CPED1: variants seen among roughly 807,000 people sequenced by gnomAD.
CPED1 encodes cadherin like and PC-esterase domain containing 1.
A neutral mutation model predicts 128.2 loss-of-function variants in CPED1; 114 were observed. The observed-to-expected ratio is 0.89, with a 90% CI of 0.76 to 1.04. The LOEUF (loss-of-function observed/expected upper bound fraction) is 1.04, where lower values mean the gene tolerates loss of function less well. Ranked by LOEUF, CPED1 falls within the 50% of genes least tolerant of loss-of-function variation. CPED1 has a pLI of 0.00. For missense variants in CPED1, 1,211 were observed against 1,207.1 expected, an observed-to-expected ratio of 1.00 and a Z score of -0.05; for synonymous variants, 462 against 426.7, an observed-to-expected ratio of 1.08 and a Z score of -1.02.
At chr7:121,238,911 G>T (rs1362763854) in intron 17 of CPED1, among the ~76,000 whole-genome samples, 1 of 151,902 alleles carries the variant, frequency 6.6e-6, no homozygotes, top group East Asian at 1.9e-4. Flanking sequence ...AATGATTGCT[G>T]AACTAAAACC....
chr7:121,041,235 A>G (rs1793044860), intron 3 of CPED1, among the ~76,000 whole-genome samples: 1 of 152,130 alleles, frequency 6.6e-6, no homozygotes, highest in Non-Finnish European at 1.5e-5. Context: ...TCACTCATTT[A>G]TACATTTTAT....
At chr7:121,154,849 A>G (rs1288261004) in intron 16 of CPED1, among the ~76,000 whole-genome samples, 1 of 152,124 alleles carries the variant, frequency 6.6e-6, no homozygotes. Context: ...CGGCCTAGAG[A>G]TGTTGAATTT....
intron 2 of CPED1, among the ~76,000 whole-genome samples, chr7:121,001,973 C>T (rs1460730514): frequency 6.7e-6 from 1 of 149,820 alleles, no homozygotes; most frequent in Non-Finnish European, 1.5e-5. Flanking sequence ...TTTGGTGCCT[C>T]TTGGGAAAAG....
At chr7:121,292,708 G>T (rs974140824) in intron 22 of CPED1, among the ~76,000 whole-genome samples, 2 of 152,022 alleles carry the variant, frequency 1.3e-5, no homozygotes, top group Non-Finnish European at 2.9e-5. Flanking sequence ...TTTTAGGTGG[G>T]TGTCCTTTTT....
intron 13 of CPED1, among the ~76,000 whole-genome samples, chr7:121,134,978 A>G (rs1274050514): frequency 3.3e-5 from 5 of 152,038 alleles, no homozygotes; most frequent in African/African-American, 1.2e-4. Context: ...TTGCAATAAG[A>G]GTGGACTGGA....
At chr7:121,283,267 G>C (rs1792497529) in intron 22 of CPED1, among the ~76,000 whole-genome samples, 1 of 152,258 alleles carries the variant, frequency 6.6e-6, no homozygotes, top group Non-Finnish European at 1.5e-5. Context: ...GGGAATAGTA[G>C]TTTAAACCTC....
rs558561711 is a variant in CPED1, at chr7:121,210,247, TG to T, written c.2056-26465del. 2.6e-3 allele frequency among the ~76,000 whole-genome samples: 391 copies of T among 152,110 alleles called. 2 individuals carry two copies. The highest frequency in any genetic ancestry group is 0.024 in the South Asian group (115 of 4,820). Reference sequence around the variant, plus strand: ...AGTACAATCACTATAGAGAACAGTATGGAGGTTCTTCAAAAAACTAAAAGTA... The same window carrying T: ...AGTACAATCACTATAGAGAACAGTATGAGGTTCTTCAAAAAACTAAAAGTA... On this transcript the variant is annotated intron_variant, in intron 16 of 22. Coordinates refer to ENST00000310396, the MANE Select transcript of CPED1 (RefSeq NM_024913.5).
At chr7:121,108,853 A>T (rs1426300830) in intron 7 of CPED1, among the ~76,000 whole-genome samples, 1 of 152,024 alleles carries the variant, frequency 6.6e-6, no homozygotes, top group Non-Finnish European at 1.5e-5. Flanking sequence ...CAAAAACACC[A>T]CCCTGTCCCA....
intron 4 of CPED1, among the ~76,000 whole-genome samples, chr7:121,056,266 A>G (rs1793496709): frequency 6.6e-6 from 1 of 152,190 alleles, no homozygotes; most frequent in Non-Finnish European, 1.5e-5. Context: ...TTAACTAAAT[A>G]TTCTATCATA....
chr7:121,141,571 T>G (rs1365634451), intron 15 of CPED1, among the ~76,000 whole-genome samples: 1 of 152,046 alleles, frequency 6.6e-6, no homozygotes, highest in Non-Finnish European at 1.5e-5. Context: ...AAAGAAAAGA[T>G]TCAAGTCAGG....
chr7:121,161,392 G>T (rs1295966192), intron 16 of CPED1, among the ~76,000 whole-genome samples: 1 of 152,068 alleles, frequency 6.6e-6, no homozygotes, highest in Admixed American at 6.6e-5. Flanking sequence ...TTGCCACCTG[G>T]TCCTTTTCAT....
chr7:121,187,744 C>A (rs1362303166), intron 16 of CPED1, among the ~76,000 whole-genome samples: 1 of 152,052 alleles, frequency 6.6e-6, no homozygotes, highest in Non-Finnish European at 1.5e-5. Flanking sequence ...TTTTGCAACC[C>A]AGAATTATAA....
At chr7:121,169,313 G>GA (rs1489177688) in intron 16 of CPED1, among the ~76,000 whole-genome samples, 8 of 152,066 alleles carry the variant, frequency 5.3e-5, no homozygotes, top group African/African-American at 1.9e-4. Context: ...AGGTAATTGG[G>GA]AAAATTAGGA....
At chr7:121,036,470 G>A (rs937554969) in intron 3 of CPED1, among the ~76,000 whole-genome samples, 2 of 148,654 alleles carry the variant, frequency 1.3e-5, no homozygotes, top group East Asian at 2.0e-4. Context: ...TTATGGTTGG[G>A]TAGTATTCCA....
intron 16 of CPED1, among the ~76,000 whole-genome samples, chr7:121,213,126 TG>T (rs1254230448): frequency 2.6e-5 from 4 of 151,882 alleles, no homozygotes; most frequent in African/African-American, 4.8e-5. Flanking sequence ...AAGATTTAAT[TG>T]GTCCATAAAT....
rs977304782 is a variant in CPED1 at position 121,247,481 on chromosome 7, G to T, written c.2310+3143G>T. ...AAACCAACATTTGGACAGATCTTTG[G>T]AGAGAAAACGCCAAAAGCAGATGGC... On this transcript the variant is annotated intron_variant, in intron 18 of 22. Transcript: ENST00000310396. Among the ~76,000 whole-genome samples, 7 of 152,198 alleles carry T rather than the reference G, an allele frequency of 4.6e-5. No individual in the cohort carries two copies. In the East Asian group the frequency reaches 1.3e-3, roughly 29 times the overall value.
intron 10 of CPED1, 91 bp from the exon 11 acceptor site, chr7:121,128,291 A>C (rs1795557041): frequency 1.4e-6 from 1 of 717,872 alleles, no homozygotes; most frequent in Non-Finnish European, 2.5e-6. Context: ...AGAACTCAAA[A>C]TCTGATTGGT....
At chr7:121,218,234 A>G (rs1244554866) in intron 16 of CPED1, among the ~76,000 whole-genome samples, 2 of 150,180 alleles carry the variant, frequency 1.3e-5, no homozygotes, top group Non-Finnish European at 3.0e-5. Flanking sequence ...ACCTCAGGTG[A>G]TTTGTCCGTC....
chr7:121,100,066 C>G lies in CPED1; in HGVS notation c.890C>G (p.Pro297Arg). The G allele has an allele frequency of 6.2e-7, 1 of 1,612,552 alleles. No individual in the cohort carries two copies. The highest frequency in any genetic ancestry group is 2.2e-5 in the East Asian group (1 of 44,846). Residue 297 changes from proline (P) to arginine (R), a missense_variant, in exon 7 of 23, where the codon CCA becomes CGA. Physicochemically the swap from Pro to Arg is moderately radical, Grantham distance 103. Transcript: ENST00000310396. ...FIHSTGTVWN[P>R]PKKKRFTVKL... ...CATTCGACGGGCACAGTTTGGAATC[C>G]ACCAAAGAAAAAACGCTTCACTGTC... is the stretch of plus-strand genomic sequence containing the variant.
Sources: gnomAD v4.1 joint callset for allele counts (sites outside exome capture counted in the v4.1 genomes callset) on GRCh38, gnomAD v4.1.1 for gene constraint, MANE v1.5 for transcripts, NCBI Gene and HGNC (gene_info 2026-07-23, HGNC 2026-07-21) for gene names.